Variants in MAP2K4 observed in about 807,000 individuals in gnomAD.
The protein encoded by MAP2K4 is dual specificity mitogen-activated protein kinase kinase 4.
A neutral mutation model predicts 48.5 loss-of-function variants in MAP2K4; 4 were observed. That is an observed-to-expected ratio of 0.08 (90% confidence interval 0.04 to 0.19). The LOEUF (loss-of-function observed/expected upper bound fraction) is 0.19. Among genes scored for constraint, MAP2K4 ranks in the 10% least tolerant of loss-of-function variants. MAP2K4 has a pLI of 1.00. For missense variants in MAP2K4, 258 were observed against 493.3 expected, an observed-to-expected ratio of 0.52 and a Z score of 4.52; for synonymous variants, 166 against 173.1, an observed-to-expected ratio of 0.96 and a Z score of 0.32.
intron 2 of MAP2K4, among the ~76,000 whole-genome samples, chr17:12,070,205 T>C (rs1970759096): frequency 6.6e-6 from 1 of 151,906 alleles, no homozygotes; most frequent in Non-Finnish European, 1.5e-5. Context: ...CAAGAAGATA[T>C]TTATTTATTT....
chr17:12,065,258 A>ATATTATTGTTAT (rs1555545192), intron 2 of MAP2K4, among the ~76,000 whole-genome samples: 4 of 136,222 alleles, frequency 2.9e-5, no homozygotes, highest in Non-Finnish European at 6.1e-5. Context: ...ATATATACAT[A>ATATTATTGTTAT]TATTATTATT....
intron 9 of MAP2K4, among the ~76,000 whole-genome samples, chr17:12,135,408 T>A (rs557437257): frequency 1.6e-4 from 25 of 151,924 alleles, no homozygotes; most frequent in African/African-American, 5.1e-4. Context: ...CTTAAAAAAA[T>A]TTTTGTAGAG....
chr17:12,046,565 C>G (rs1474067518), intron 1 of MAP2K4, among the ~76,000 whole-genome samples: 2 of 152,028 alleles, frequency 1.3e-5, no homozygotes, highest in African/African-American at 4.8e-5. Flanking sequence ...GAAAGTGTTG[C>G]TGTTATTGGC....
intron 7 of MAP2K4, among the ~76,000 whole-genome samples, chr17:12,116,103 A>G (rs528444959): frequency 6.6e-6 from 1 of 152,226 alleles, no homozygotes; most frequent in African/African-American, 2.4e-5. Context: ...GCCACTTGTA[A>G]CTCTGAATAT....
intron 1 of MAP2K4, among the ~76,000 whole-genome samples, chr17:12,053,947 A>T (rs950883479): frequency 1.3e-5 from 2 of 152,148 alleles, no homozygotes; most frequent in African/African-American, 4.8e-5. Flanking sequence ...GTTCAGGAAA[A>T]AGTGTCTCTA....
chr17:12,080,967 C>G (rs370859857), intron 2 of MAP2K4, among the ~76,000 whole-genome samples: 1 of 152,156 alleles, frequency 6.6e-6, no homozygotes, highest in Non-Finnish European at 1.5e-5. Flanking sequence ...AGAACTTTTT[C>G]GCAATAAGGT....
chr17:12,076,530 A>T (rs1288139474), intron 2 of MAP2K4, among the ~76,000 whole-genome samples: 1 of 152,214 alleles, frequency 6.6e-6, no homozygotes, highest in Non-Finnish European at 1.5e-5. Context: ...TTCAGATTTT[A>T]ATCTAACAAG....
At chr17:12,032,630 C>A (rs542330056) in intron 1 of MAP2K4, among the ~76,000 whole-genome samples, 88 of 152,040 alleles carry the variant, frequency 5.8e-4, no homozygotes, top group Non-Finnish European at 5.0e-4. Context: ...CTTTTAAGAT[C>A]GTGGTGCAGA....
chr17:12,043,189 A>G (rs34486117), intron 1 of MAP2K4, among the ~76,000 whole-genome samples: 36,955 of 152,174 alleles, frequency 0.24, 5,218 homozygotes, highest in Middle Eastern at 0.35. Context: ...TTCATAAACC[A>G]TATCTTCCTA....
At chr17:12,107,532 A>G (rs774857734) in intron 4 of MAP2K4, among the ~76,000 whole-genome samples, 1 of 151,960 alleles carries the variant, frequency 6.6e-6, no homozygotes, top group Non-Finnish European at 1.5e-5. Context: ...TAATGAAAGC[A>G]CAGAAGTTTT....
Position 12,033,820 on chromosome 17 carries a change from T to C in MAP2K4, c.115+12819T>C, listed in dbSNP as rs945616529. On this transcript the variant is annotated intron_variant, in intron 1 of 10. Coordinates refer to ENST00000353533, the MANE Select transcript of MAP2K4 (RefSeq NM_003010.4). ...GAAAAAAAAAGGCTGTCTTCTATTTTTGTTCATTTCGGAGACAGAGTCTCA... is the reference window on the plus strand; with the variant it reads ...GAAAAAAAAAGGCTGTCTTCTATTTCTGTTCATTTCGGAGACAGAGTCTCA... Among the ~76,000 whole-genome samples, 13 of 152,356 alleles carry C rather than the reference T, an allele frequency of 8.5e-5. No homozygotes were observed. In the South Asian group the frequency reaches 1.9e-3, roughly 22 times the overall value.
At chr17:12,060,754 T>TGTGC (rs1970425749) in intron 2 of MAP2K4, among the ~76,000 whole-genome samples, 1 of 151,564 alleles carries the variant, frequency 6.6e-6, no homozygotes, top group Non-Finnish European at 1.5e-5. Context: ...TGTGCGCGCG[T>TGTGC]GTGTGTGTGT....
intron 1 of MAP2K4, among the ~76,000 whole-genome samples, chr17:12,035,477 T>G (rs1215846149): frequency 6.6e-6 from 1 of 152,134 alleles, no homozygotes; most frequent in African/African-American, 2.4e-5. Context: ...GATTGTGCCA[T>G]GGCACTCCAG....
Position 12,129,251 on chromosome 17 carries a change from A to G in MAP2K4, c.1004A>G (p.Glu335Gly), listed in dbSNP as rs1972953161. The change falls in exon 9 of 11, where the codon GAA becomes GGA. Residue 335 changes from glutamate to glycine, a missense_variant. By Grantham distance (98) the Glu-to-Gly change is moderately conservative (BLOSUM62 -2). This residue lies in a region of MAP2K4 where 57 missense variants were observed against 84.3 expected (regional missense o/e 0.68). Coordinates refer to ENST00000353533, the MANE Select transcript of MAP2K4 (RefSeq NM_003010.4). The part of the protein sequence containing the change: ...PPQLSNSEER[E>G]FSPSFINFVN... ...CAGCTGAGTAATTCTGAGGAAAGGG[A>G]ATTCTCCCCGAGTTTCATCAACTTT... 1 of 1,614,122 alleles carries G rather than the reference A, an allele frequency of 6.2e-7. No individual in the cohort carries two copies. The highest frequency in any genetic ancestry group is 1.3e-5 in the African/African-American group (1 of 74,946).
At chr17:12,131,664 G>T (rs1472193085) in intron 9 of MAP2K4, among the ~76,000 whole-genome samples, 1 of 151,918 alleles carries the variant, frequency 6.6e-6, no homozygotes, top group Non-Finnish European at 1.5e-5. Flanking sequence ...TTTTCATTAC[G>T]TTTGGGTAAA....
chr17:12,042,371 G>A (rs1015378581), intron 1 of MAP2K4, among the ~76,000 whole-genome samples: 1 of 152,100 alleles, frequency 6.6e-6, no homozygotes, highest in Non-Finnish European at 1.5e-5. Context: ...TGAGGGTAAA[G>A]TAATTGGTCA....
intron 8 of MAP2K4, among the ~76,000 whole-genome samples, chr17:12,128,823 C>T (rs1383286313): frequency 1.3e-5 from 2 of 152,158 alleles, no homozygotes; most frequent in Admixed American, 6.5e-5. Context: ...TCCAGACTTT[C>T]TTATAAAGAA....
At chr17:12,060,667 A>C (rs907799408) in intron 2 of MAP2K4, among the ~76,000 whole-genome samples, 2 of 152,110 alleles carry the variant, frequency 1.3e-5, no homozygotes, top group African/African-American at 4.8e-5. Context: ...GTAATGGTAG[A>C]AGTATTTATG....
intron 7 of MAP2K4, among the ~76,000 whole-genome samples, chr17:12,121,604 T>A (rs1452758731): frequency 6.6e-6 from 1 of 151,262 alleles, no homozygotes; most frequent in African/African-American, 2.4e-5. Context: ...AGATTCCACA[T>A]TGATTTTAAT....
Sources: allele counts gnomAD v4.1 joint callset (sites outside exome capture counted in the v4.1 genomes callset), GRCh38; gene constraint gnomAD v4.1.1; regional missense constraint gnomAD v4.1.1; transcripts MANE v1.5; gene names NCBI Gene and HGNC (gene_info 2026-07-23, HGNC 2026-07-21).